SSBP2: variants seen among roughly 807,000 people sequenced by gnomAD.
The protein encoded by SSBP2 is single-stranded DNA-binding protein 2.
In SSBP2, 17 loss-of-function variants were observed where a neutral mutation model predicts 61.8. The ratio of observed to expected loss-of-function variants is 0.28; its 90% CI spans 0.19 to 0.41. The LOEUF is 0.41. SSBP2 is among the 10% of genes least tolerant of loss of function. SSBP2 has a pLI of 1.00. For synonymous variants in SSBP2, 139 were observed against 141.3 expected, an observed-to-expected ratio of 0.98 and a Z score of 0.12; for missense variants, 310 against 458.7, an observed-to-expected ratio of 0.68 and a Z score of 2.96.
chr5:81,738,982 T>C (rs984703351), intron 1 of SSBP2, among the ~76,000 whole-genome samples: 1 of 151,646 alleles, frequency 6.6e-6, no homozygotes, highest in Non-Finnish European at 1.5e-5. Flanking sequence ...CTGGCCAACA[T>C]AGTGAAATCC....
At chr5:81,606,770 G>A (rs1392693622) in intron 4 of SSBP2, among the ~76,000 whole-genome samples, 1 of 152,208 alleles carries the variant, frequency 6.6e-6, no homozygotes, top group East Asian at 1.9e-4. Flanking sequence ...GCGTAGGCCT[G>A]TGAGAGGAAA....
chr5:81,558,390 T>C (rs1336341473), intron 4 of SSBP2, among the ~76,000 whole-genome samples: 1 of 152,222 alleles, frequency 6.6e-6, no homozygotes, highest in African/African-American at 2.4e-5. Flanking sequence ...ACACACTTCC[T>C]GGTTTGCAGA....
At chr5:81,426,551 A>C (rs1761962669) in intron 16 of SSBP2, among the ~76,000 whole-genome samples, 2 of 152,210 alleles carry the variant, frequency 1.3e-5, no homozygotes, top group Admixed American at 1.3e-4. Context: ...TTAGGGGTGG[A>C]AGAAGCCTTG....
intron 1 of SSBP2, among the ~76,000 whole-genome samples, chr5:81,722,634 C>T (rs946489233): frequency 3.3e-5 from 5 of 151,972 alleles, no homozygotes; most frequent in African/African-American, 1.2e-4. Context: ...TGACCTTGAG[C>T]ATGCATTTGT....
At chr5:81,699,155 C>T (rs779860511) in intron 1 of SSBP2, among the ~76,000 whole-genome samples, 5 of 152,292 alleles carry the variant, frequency 3.3e-5, no homozygotes, top group South Asian at 2.1e-4. Flanking sequence ...TGATCATCTG[C>T]GCATTCAGCA....
At chr5:81,509,309 G>A (rs188186089) in intron 5 of SSBP2, among the ~76,000 whole-genome samples, 273 of 152,250 alleles carry the variant, frequency 1.8e-3, no homozygotes, top group African/African-American at 6.3e-3. Flanking sequence ...TATGAACTGT[G>A]AACTGATACT....
At chr5:81,500,727 G>A (rs913398485) in intron 5 of SSBP2, among the ~76,000 whole-genome samples, 2 of 151,890 alleles carry the variant, frequency 1.3e-5, no homozygotes, top group Non-Finnish European at 2.9e-5. Context: ...CCAAAGTACT[G>A]GGATTACAGG....
At chr5:81,441,574 G>A (rs1189168851) in intron 13 of SSBP2, among the ~76,000 whole-genome samples, 1 of 152,150 alleles carries the variant, frequency 6.6e-6, no homozygotes, top group Admixed American at 6.6e-5. Flanking sequence ...AGTGGTGGTG[G>A]TGACTAATCA....
At chr5:81,605,449 C>T (rs1335653456) in intron 4 of SSBP2, among the ~76,000 whole-genome samples, 1 of 152,104 alleles carries the variant, frequency 6.6e-6, no homozygotes, top group Non-Finnish European at 1.5e-5. Flanking sequence ...CTCTAGTTCC[C>T]TATCCATCTC....
chr5:81,732,294 T>G (rs1756324319), intron 1 of SSBP2, among the ~76,000 whole-genome samples: 1 of 152,142 alleles, frequency 6.6e-6, no homozygotes, highest in Admixed American at 6.5e-5. Flanking sequence ...TATGAATAAA[T>G]CAATATAAAC....
chr5:81,437,472 T>C lies in SSBP2; in HGVS notation c.929-14A>G, dbSNP rs572953698. On this transcript the variant is annotated splice_polypyrimidine_tract_variant and intron_variant, in intron 14 of 16. Transcript: ENST00000320672. Reference sequence around the variant, plus strand: ...TATCTCCTGAGCCTGAAACAAAATATAAAAAGAAAGCCTTTATTAGGTAAG... The same window carrying C: ...TATCTCCTGAGCCTGAAACAAAATACAAAAAGAAAGCCTTTATTAGGTAAG... 6.2e-7 allele frequency: 1 copy of C among 1,602,920 alleles called. No homozygotes were observed. The highest frequency in any genetic ancestry group is 8.5e-7 in the Non-Finnish European group (1 of 1,175,928).
intron 4 of SSBP2, among the ~76,000 whole-genome samples, chr5:81,514,230 T>C (rs1479717949): frequency 6.6e-6 from 1 of 152,072 alleles, no homozygotes; most frequent in Non-Finnish European, 1.5e-5. Flanking sequence ...CACTTTCTGA[T>C]ATACTGTAAC....
chr5:81,734,380 A>C (rs1430415587), intron 1 of SSBP2, among the ~76,000 whole-genome samples: 1 of 152,230 alleles, frequency 6.6e-6, no homozygotes, highest in African/African-American at 2.4e-5. Flanking sequence ...GCAGTTTGAC[A>C]CAATTTCTCA....
intron 4 of SSBP2, among the ~76,000 whole-genome samples, chr5:81,583,560 G>C (rs1238217514): frequency 3.3e-5 from 5 of 149,774 alleles, no homozygotes; most frequent in Non-Finnish European, 7.4e-5. Flanking sequence ...AACCCGGGAG[G>C]CAGAGCTTGC....
chr5:81,750,532 G>GCCCCGA (rs1449642445), intron 1 of SSBP2, among the ~76,000 whole-genome samples: 1 of 145,514 alleles, frequency 6.9e-6, no homozygotes, highest in African/African-American at 2.5e-5. Context: ...CCCGACCCCG[G>GCCCCGA]CCCCGACCCC....
intron 4 of SSBP2, among the ~76,000 whole-genome samples, chr5:81,533,596 A>T (rs766982063): frequency 6.6e-6 from 1 of 152,070 alleles, no homozygotes; most frequent in Non-Finnish European, 1.5e-5. Flanking sequence ...AAAAGTAAAA[A>T]GCTGAACAAA....
rs146337787 is a variant in SSBP2 at position 81,649,071 on chromosome 5, G to A, written c.135+1196C>T. 5.5e-3 allele frequency among the ~76,000 whole-genome samples: 840 copies of A among 152,128 alleles called. 5 individuals are homozygous for A. The highest frequency in any genetic ancestry group is 0.01 in the Admixed American group (157 of 15,236). On this transcript the variant is annotated intron_variant, in intron 2 of 16. Coordinates refer to ENST00000320672, the MANE Select transcript of SSBP2 (RefSeq NM_012446.5). ...CCATATTGGACAGCACAGATATAGA[G>A]GAAAAACCAAAAGCACTGGGATTAA...
At chr5:81,592,711 G>C (rs1743200896) in intron 4 of SSBP2, among the ~76,000 whole-genome samples, 1 of 152,206 alleles carries the variant, frequency 6.6e-6, no homozygotes, top group African/African-American at 2.4e-5. Flanking sequence ...AGCCACCGCT[G>C]CTGGTACTCA....
chr5:81,536,688 ACTCTAT>A (rs1268870200), intron 4 of SSBP2, among the ~76,000 whole-genome samples: 1 of 152,112 alleles, frequency 6.6e-6, no homozygotes, highest in African/African-American at 2.4e-5. Flanking sequence ...TATGCGCTTA[ACTCTAT>A]CACAGGACAG....
Sources: allele counts gnomAD v4.1 joint callset (sites outside exome capture counted in the v4.1 genomes callset), GRCh38; gene constraint gnomAD v4.1.1; transcripts MANE v1.5; gene names NCBI Gene and HGNC (gene_info 2026-07-23, HGNC 2026-07-21).